MYT1L: variants seen among roughly 807,000 people sequenced by gnomAD.
MYT1L encodes myelin transcription factor 1 like.
A neutral mutation model predicts 126.7 loss-of-function variants in MYT1L; 12 were observed. That is an observed-to-expected ratio of 0.09 (90% CI 0.06 to 0.15). The LOEUF (loss-of-function observed/expected upper bound fraction) is 0.15, where lower values mean the gene tolerates loss of function less well. MYT1L is among the 10% of genes least tolerant of loss of function. The pLI is 1.00. For missense variants in MYT1L, 979 were observed against 1,585.2 expected (o/e 0.62, Z 6.49); for synonymous variants, 541 against 604.2 (o/e 0.90, Z 1.53).
chr2:2,141,445 T>C (rs2083963250), intron 3 of MYT1L, among the ~76,000 whole-genome samples: 1 of 152,170 alleles, frequency 6.6e-6, no homozygotes, highest in South Asian at 2.1e-4. Context: ...CCTTTTCCCA[T>C]CTCTATCTAT....
intron 2 of MYT1L, among the ~76,000 whole-genome samples, chr2:2,283,749 T>C (rs2095481305): frequency 6.6e-6 from 1 of 152,154 alleles, no homozygotes; most frequent in Non-Finnish European, 1.5e-5. Flanking sequence ...CCAAGACAGA[T>C]TTCAAAAGGG....
chr2:1,847,052 C>T (rs1290922690), intron 19 of MYT1L, among the ~76,000 whole-genome samples: 7 of 152,166 alleles, frequency 4.6e-5, no homozygotes, highest in African/African-American at 1.7e-4. Flanking sequence ...ACTGGAGTGG[C>T]ATAGGTAGAC....
chr2:2,088,831 A>T (rs928274868), intron 3 of MYT1L, among the ~76,000 whole-genome samples: 1 of 152,220 alleles, frequency 6.6e-6, no homozygotes, highest in Admixed American at 6.5e-5. Context: ...ATTAAAAGCA[A>T]AAGCATAGAG....
At chr2:2,245,640 C>T (rs1454402203) in intron 2 of MYT1L, among the ~76,000 whole-genome samples, 5 of 151,596 alleles carry the variant, frequency 3.3e-5, no homozygotes, top group Admixed American at 3.3e-4. Context: ...TTCCCAAGCT[C>T]ATGTCTTGGA....
chr2:1,907,970 G>A (rs887574370), intron 13 of MYT1L, among the ~76,000 whole-genome samples: 1 of 152,258 alleles, frequency 6.6e-6, no homozygotes, highest in African/African-American at 2.4e-5. Context: ...AGGAATGGCT[G>A]TGGTTGGTCA....
chr2:2,209,057 C>T (rs1340641554), intron 2 of MYT1L, among the ~76,000 whole-genome samples: 1 of 152,016 alleles, frequency 6.6e-6, no homozygotes, highest in African/African-American at 2.4e-5. Flanking sequence ...TGAAATGACT[C>T]ATTCTGCCAG....
In MYT1L at chr2:1,806,985, A is replaced by G. The variant is rs1198344127; in HGVS notation, c.3172+2091T>C. On this transcript the variant is annotated intron_variant, in intron 22 of 24. Coordinates refer to ENST00000647738, the MANE Select transcript of MYT1L (RefSeq NM_001303052.2). This position sits in a 1 kb window ranked among gnomAD's most constrained non-coding sequence, Gnocchi z 4.9. Reference sequence around the variant, plus strand: ...CAAGGAGCACTGCTCCGTAATAACTAGAAAGCGAAAGTTGGCTATCCTGGT... The same window carrying G: ...CAAGGAGCACTGCTCCGTAATAACTGGAAAGCGAAAGTTGGCTATCCTGGT... Among the ~76,000 whole-genome samples the G allele has an allele frequency of 1.3e-5, 2 of 152,220 alleles. No individual in the cohort carries two copies. Among genetic ancestry groups the G allele is most frequent in the African/African-American group, 4.8e-5 (2 of 41,472 alleles).
rs541884823 is a variant in MYT1L, at chr2:1,864,362, T to C, written c.2712-12659A>G. On this transcript the variant is annotated intron_variant, in intron 18 of 24. Coordinates refer to ENST00000647738, the MANE Select transcript of MYT1L (RefSeq NM_001303052.2). ...TCTCCACAGCCCTCCCTGCCATGGGTGCATCCAGTCTCCAGCAGGCCCTCC... is the reference window on the plus strand; with the variant it reads ...TCTCCACAGCCCTCCCTGCCATGGGCGCATCCAGTCTCCAGCAGGCCCTCC... 2.5e-4 allele frequency among the ~76,000 whole-genome samples: 38 copies of C among 152,236 alleles called. No homozygotes were observed. The East Asian group carries it at 4.3e-3, about 17-fold the overall frequency.
intron 21 of MYT1L, among the ~76,000 whole-genome samples, chr2:1,810,554 G>T (rs1317572848): frequency 6.6e-6 from 1 of 152,202 alleles, no homozygotes; most frequent in Non-Finnish European, 1.5e-5. Context: ...GTGTGATGAT[G>T]TGTTAGTGAT....
chr2:1,836,275 T>A (rs970799663), intron 21 of MYT1L, among the ~76,000 whole-genome samples: 1 of 151,340 alleles, frequency 6.6e-6, no homozygotes, highest in African/African-American at 2.4e-5. Flanking sequence ...CAAGATTCCA[T>A]CAGCCTGCCC....
At chr2:2,197,465 A>G (rs2092851017) in intron 2 of MYT1L, among the ~76,000 whole-genome samples, 2 of 152,190 alleles carry the variant, frequency 1.3e-5, no homozygotes, top group South Asian at 4.1e-4. Flanking sequence ...ATATCTATCT[A>G]TCTGCAGGTG....
chr2:1,880,233 T>G lies in MYT1L; in HGVS notation c.2711+6306A>C, dbSNP rs182226366. On this transcript the variant is annotated intron_variant, in intron 18 of 24. Coordinates refer to ENST00000647738, the MANE Select transcript of MYT1L (RefSeq NM_001303052.2). ...AATAAAATGTCAGTAGAAGCCACCCTCTCTTCAGCAAACAATATGCTGACG... is the reference window on the plus strand; with the variant it reads ...AATAAAATGTCAGTAGAAGCCACCCGCTCTTCAGCAAACAATATGCTGACG... Among the ~76,000 whole-genome samples, 13 of 152,312 alleles carry G rather than the reference T, an allele frequency of 8.5e-5. No homozygotes were observed. The East Asian group carries it at 2.5e-3, about 29-fold the overall frequency.
intron 1 of MYT1L, among the ~76,000 whole-genome samples, chr2:2,284,929 G>T (rs530622756): frequency 6.6e-6 from 1 of 152,218 alleles, no homozygotes; most frequent in African/African-American, 2.4e-5. Flanking sequence ...CAGGGGTCAG[G>T]GTGGTCTTGA....
chr2:2,051,182 C>T (rs1336870843), intron 4 of MYT1L, among the ~76,000 whole-genome samples: 1 of 152,132 alleles, frequency 6.6e-6, no homozygotes, highest in African/African-American at 2.4e-5. Context: ...GGAGCTAAGC[C>T]CTTTGTCCTA....
intron 5 of MYT1L, among the ~76,000 whole-genome samples, chr2:1,988,490 T>C (rs1487451629): frequency 6.6e-6 from 1 of 152,242 alleles, no homozygotes; most frequent in Non-Finnish European, 1.5e-5. Context: ...GCCCCTTCAC[T>C]GGATGGCTTT....
chr2:2,102,143 T>G (rs1198434405), intron 3 of MYT1L, among the ~76,000 whole-genome samples: 1 of 152,148 alleles, frequency 6.6e-6, no homozygotes, highest in Non-Finnish European at 1.5e-5. Flanking sequence ...TGTTTTAGAG[T>G]GATTTTTAGG....
intron 3 of MYT1L, among the ~76,000 whole-genome samples, chr2:2,126,187 T>C (rs2081665297): frequency 1.3e-5 from 2 of 152,208 alleles, no homozygotes; most frequent in Non-Finnish European, 2.9e-5. Context: ...CATGTCTTTC[T>C]GGTCAAGCTG....
chr2:1,990,784 G>A (rs1424544654), intron 5 of MYT1L, among the ~76,000 whole-genome samples: 2 of 152,200 alleles, frequency 1.3e-5, no homozygotes, highest in African/African-American at 4.8e-5. Flanking sequence ...TCTGGAACAG[G>A]CCCAGTCGTC....
chr2:2,108,295 C>T (rs2078995079), intron 3 of MYT1L, among the ~76,000 whole-genome samples: 2 of 152,174 alleles, frequency 1.3e-5, no homozygotes, highest in Admixed American at 6.5e-5. Flanking sequence ...TTCATTCCTC[C>T]TGAACATGGA....
Sources: allele counts gnomAD v4.1 joint callset (sites outside exome capture counted in the v4.1 genomes callset), GRCh38; gene constraint gnomAD v4.1.1; non-coding constraint Gnocchi (gnomAD v3.1); transcripts MANE v1.5; gene names NCBI Gene and HGNC (gene_info 2026-07-23, HGNC 2026-07-21).